The following CADM2 variants were observed in gnomAD, a reference collection of about 807,000 sequenced individuals.
CADM2 encodes the protein immunoglobulin superfamily member 4D.
A neutral mutation model predicts 49.8 loss-of-function variants in CADM2; 12 were observed. The observed-to-expected ratio is 0.24, with a 90% CI of 0.15 to 0.39. The LOEUF is 0.39. CADM2 is among the 10% of genes least tolerant of loss of function. The pLI is 1.00. For missense variants in CADM2, 378 were observed against 492.3 expected, an observed-to-expected ratio of 0.77 and a Z score of 2.20; for synonymous variants, 214 against 175.4, an observed-to-expected ratio of 1.22 and a Z score of -1.74.
intron 8 of CADM2, among the ~76,000 whole-genome samples, chr3:86,054,389 G>T (rs1737677784): frequency 6.6e-6 from 1 of 151,958 alleles, no homozygotes; most frequent in Non-Finnish European, 1.5e-5. Flanking sequence ...ATACATTTTA[G>T]AACTGACTTG....
At chr3:85,985,363 A>T (rs1384251305) in intron 8 of CADM2, among the ~76,000 whole-genome samples, 2 of 151,922 alleles carry the variant, frequency 1.3e-5, no homozygotes, top group Non-Finnish European at 2.9e-5. Context: ...CCCAGGCCCC[A>T]GCTCTTAATA....
chr3:85,398,692 G>A (rs1313939590), intron 1 of CADM2, among the ~76,000 whole-genome samples: 4 of 152,052 alleles, frequency 2.6e-5, no homozygotes, highest in Admixed American at 1.3e-4. Flanking sequence ...TTTAATGATC[G>A]CCATTGTAAC....
intron 1 of CADM2, among the ~76,000 whole-genome samples, chr3:85,144,763 A>C (rs983233487): frequency 6.6e-6 from 1 of 152,162 alleles, no homozygotes; most frequent in Non-Finnish European, 1.5e-5. Context: ...TTGATTCAAT[A>C]ATTTGTATTT....
At chr3:85,354,889 A>G (rs1315884456) in intron 1 of CADM2, among the ~76,000 whole-genome samples, 1 of 152,074 alleles carries the variant, frequency 6.6e-6, no homozygotes, top group African/African-American at 2.4e-5. Context: ...TTACTGTGCT[A>G]TAGGAGGAAT....
intron 1 of CADM2, among the ~76,000 whole-genome samples, chr3:85,537,508 G>T (rs1576749596): frequency 6.6e-6 from 1 of 151,932 alleles, no homozygotes; most frequent in Admixed American, 6.6e-5. Context: ...GTGTGTGTGT[G>T]TGTGTGTGCG....
At chr3:85,407,883 C>T (rs918843861) in intron 1 of CADM2, among the ~76,000 whole-genome samples, 7 of 151,572 alleles carry the variant, frequency 4.6e-5, no homozygotes, top group Non-Finnish European at 8.8e-5. Context: ...ATGGTGTGTG[C>T]CTGCAGTCCT....
intron 1 of CADM2, among the ~76,000 whole-genome samples, chr3:85,273,881 C>A (rs951489686): frequency 6.6e-6 from 1 of 151,316 alleles, no homozygotes; most frequent in Non-Finnish European, 1.5e-5. Context: ...GAAGAGGTTA[C>A]GTCCAGTCTG....
chr3:85,860,189 A>G (rs947759405), intron 3 of CADM2, among the ~76,000 whole-genome samples: 7 of 152,182 alleles, frequency 4.6e-5, no homozygotes, highest in Non-Finnish European at 1.0e-4. Flanking sequence ...CATACTTAGT[A>G]GCAAATCCAT....
chr3:85,763,428 C>T (rs563076115), intron 2 of CADM2, among the ~76,000 whole-genome samples: 1 of 152,228 alleles, frequency 6.6e-6, no homozygotes, highest in Admixed American at 6.5e-5. Context: ...GAAATAACAC[C>T]ATCTTCACCC....
At chr3:85,379,116 A>T (rs1038051505) in intron 1 of CADM2, among the ~76,000 whole-genome samples, 2 of 151,934 alleles carry the variant, frequency 1.3e-5, no homozygotes, top group African/African-American at 2.4e-5. Context: ...GTAACTTCTC[A>T]TAATAATATG....
chr3:85,057,876 C>A (rs571541974), intron 1 of CADM2, among the ~76,000 whole-genome samples: 18 of 152,188 alleles, frequency 1.2e-4, no homozygotes, highest in Admixed American at 1.0e-3. Flanking sequence ...GAAGCCTTAA[C>A]ATGTGGGGTT....
chr3:85,944,830 G>C (rs1011304520), intron 7 of CADM2, among the ~76,000 whole-genome samples: 1 of 152,030 alleles, frequency 6.6e-6, no homozygotes, highest in Non-Finnish European at 1.5e-5. Flanking sequence ...AAGTAGGAAA[G>C]ATCTAAAATT....
chr3:84,982,646 A>C, intron 1 of CADM2, among the ~76,000 whole-genome samples: 1 of 148,092 alleles, frequency 6.8e-6, no homozygotes, highest in South Asian at 2.1e-4. Context: ...TATATCAAGT[A>C]CTAAAATATG....
intron 3 of CADM2, among the ~76,000 whole-genome samples, chr3:85,853,675 GA>G (rs749697927): frequency 0.037 from 4,954 of 134,502 alleles, 235 homozygotes; most frequent in African/African-American, 0.12. Flanking sequence ...TCCATGAGAT[GA>G]AAAAAAAAAA....
At chr3:84,965,242 G>T (rs1333785665) in intron 1 of CADM2, among the ~76,000 whole-genome samples, 1 of 152,144 alleles carries the variant, frequency 6.6e-6, no homozygotes, top group African/African-American at 2.4e-5. Flanking sequence ...CAAATTCCTT[G>T]TGTAAAGAGG....
intron 1 of CADM2, among the ~76,000 whole-genome samples, chr3:85,259,747 A>G (rs2042971574): frequency 6.6e-6 from 1 of 152,118 alleles, no homozygotes; most frequent in Admixed American, 6.6e-5. Flanking sequence ...ATTTCAAATC[A>G]AAGTGTTTCT....
intron 1 of CADM2, among the ~76,000 whole-genome samples, chr3:85,701,967 T>C (rs1241968835): frequency 2.2e-4 from 25 of 113,676 alleles, no homozygotes; most frequent in East Asian, 1.1e-3. Context: ...TGTAGATAGA[T>C]AGACATAGAT....
chr3:86,017,490 G>A (rs943485579), intron 8 of CADM2, among the ~76,000 whole-genome samples: 2 of 151,866 alleles, frequency 1.3e-5, no homozygotes, highest in African/African-American at 4.8e-5. Context: ...CAGCATTTTG[G>A]GAGGCCAAGA....
chr3:85,811,809 G>T (rs183043739), intron 3 of CADM2, among the ~76,000 whole-genome samples: 84 of 151,220 alleles, frequency 5.6e-4, no homozygotes, highest in African/African-American at 1.9e-3. Context: ...TCAAAACAAA[G>T]GAATAAACAA....
Sources: allele counts gnomAD v4.1 joint callset (sites outside exome capture counted in the v4.1 genomes callset), GRCh38; gene constraint gnomAD v4.1.1; transcripts MANE v1.5; gene names NCBI Gene and HGNC (gene_info 2026-07-23, HGNC 2026-07-21).